Variants in PMF1 observed in about 807,000 individuals in gnomAD.
PMF1 encodes polyamine modulated factor 1, also known as polyamine-modulated factor 1.
Under a neutral mutation model 26.7 loss-of-function variants are expected in PMF1, and 21 were observed. That is an observed-to-expected ratio of 0.79 (90% CI 0.56 to 1.13). The LOEUF is 1.13. Ranked by LOEUF, PMF1 falls within the 50% of genes most tolerant of loss-of-function variation. The pLI is 0.00. For synonymous variants in PMF1, 105 were observed against 101.0 expected (o/e 1.04, Z -0.24); for missense variants, 266 against 254.9 (o/e 1.04, Z -0.30).
At chr1:156,236,778 C>T in intron 4 of PMF1, 1 of 427,604 alleles carries the variant, frequency 2.3e-6, no homozygotes, top group Non-Finnish European at 4.2e-6. Context: ...AACAGCGCCT[C>T]CACATCAGAT....
rs531045665 is a variant in PMF1 at position 156,216,468 on chromosome 1, C to T, written c.161+3292C>T. On this transcript the variant is annotated intron_variant, in intron 1 of 4. Transcript: ENST00000368277. Reference sequence around the variant, plus strand: ...GACACGCTGTCCTCTGGCGACCTGTCGCTGGAGAGGTTGGGACTCTGGATG... The same window carrying T: ...GACACGCTGTCCTCTGGCGACCTGTTGCTGGAGAGGTTGGGACTCTGGATG... Among the ~76,000 whole-genome samples, 284 of 152,274 alleles carry T rather than the reference C, an allele frequency of 1.9e-3. 1 individual carries two copies. Among genetic ancestry groups the T allele is most frequent in the African/African-American group, 6.5e-3 (269 of 41,566 alleles).
At chr1:156,235,523 G>A (rs1170532963) in intron 3 of PMF1, among the ~76,000 whole-genome samples, 11 of 132,438 alleles carry the variant, frequency 8.3e-5, no homozygotes, top group Non-Finnish European at 4.6e-5. Context: ...CTCACTGCAA[G>A]CTCCGCCTCC....
chr1:156,226,481 CT>C (rs1367957870), intron 1 of PMF1, among the ~76,000 whole-genome samples: 1 of 152,260 alleles, frequency 6.6e-6, no homozygotes, highest in African/African-American at 2.4e-5. Flanking sequence ...GCCTCATTCA[CT>C]AGCACCTGCC....
Position 156,230,971 on chromosome 1 carries a change from T to C in PMF1, c.162-1349T>C, listed in dbSNP as rs954643602. Among the ~76,000 whole-genome samples, 3 of 151,932 alleles carry C rather than the reference T, an allele frequency of 2.0e-5. No homozygotes were observed. The East Asian group carries it at 5.8e-4, about 29-fold the overall frequency. On this transcript the variant is annotated intron_variant, in intron 1 of 4. Coordinates refer to ENST00000368277, the MANE Select transcript of PMF1 (RefSeq NM_007221.4). Reference sequence around the variant, plus strand: ...TGGCTCATGCCTGTAATGCCAGCACTTTGGGAGGCCGAGATGGGCGGATCA... The same window carrying C: ...TGGCTCATGCCTGTAATGCCAGCACCTTGGGAGGCCGAGATGGGCGGATCA...
At chr1:156,217,465 C>T (rs1478772535) in intron 1 of PMF1, among the ~76,000 whole-genome samples, 1 of 152,122 alleles carries the variant, frequency 6.6e-6, no homozygotes, top group African/African-American at 2.4e-5. Context: ...GTGGCTTACG[C>T]TTGTAATCCC....
chr1:156,236,259 C>T lies in PMF1; in HGVS notation c.369-29C>T, dbSNP rs1467418796. The T allele has an allele frequency of 7.6e-6, 12 of 1,587,982 alleles. No individual in the cohort carries two copies. The South Asian group carries it at 1.1e-4, about 15-fold the overall frequency. Reference sequence around the variant, plus strand: ...TTCCACAAGGGCCTTCCGCCTCCTTCATTCCTTGTGCCCCGTGTGGCCCTC... The same window carrying T: ...TTCCACAAGGGCCTTCCGCCTCCTTTATTCCTTGTGCCCCGTGTGGCCCTC... On this transcript the variant is annotated intron_variant, in intron 3 of 4. Transcript: ENST00000368277.
chr1:156,238,558 C>T (rs1480585503), intron 4 of PMF1, among the ~76,000 whole-genome samples: 1 of 152,214 alleles, frequency 6.6e-6, no homozygotes, highest in Non-Finnish European at 1.5e-5. Context: ...GTCGAACTCT[C>T]TCCATCCTTC....
intron 1 of PMF1, chr1:156,223,967 A>T (rs543708973): frequency 1.4e-4 from 22 of 152,222 alleles, no homozygotes; most frequent in African/African-American, 5.3e-4. Flanking sequence ...AATGAATACA[A>T]TTATCCTGCT....
At chr1:156,213,358 C>T (rs949666139) in intron 1 of PMF1, among the ~76,000 whole-genome samples, 182 bp downstream of exon 1, 1 of 152,230 alleles carries the variant, frequency 6.6e-6, no homozygotes, top group Non-Finnish European at 1.5e-5. Context: ...CACTGATAAC[C>T]TGTAGCGGAC....
chr1:156,239,395 A>C (rs1487718249), intron 4 of PMF1, among the ~76,000 whole-genome samples, 153 bp from the exon 5 acceptor site: 1 of 152,126 alleles, frequency 6.6e-6, no homozygotes, highest in Non-Finnish European at 1.5e-5. Context: ...ATGTGCCTTC[A>C]TCCTAACATG....
chr1:156,236,909 G>A, intron 4 of PMF1: 1 of 180,442 alleles, frequency 5.5e-6, no homozygotes, highest in African/African-American at 2.3e-5. Context: ...CAGAGGATGA[G>A]ACAGTATTTT....
chr1:156,232,480 G>A (rs1658770378), intron 2 of PMF1, 55 bp downstream of exon 2: 2 of 1,568,132 alleles, frequency 1.3e-6, no homozygotes, highest in Non-Finnish European at 1.8e-6. Context: ...TCTCCAGATT[G>A]TCAGTCCCCT....
At chr1:156,235,072 GCT>G (rs1558196892) in intron 3 of PMF1, among the ~76,000 whole-genome samples, 3 of 152,046 alleles carry the variant, frequency 2.0e-5, no homozygotes, top group Non-Finnish European at 4.4e-5. Flanking sequence ...TTTTAAAAAT[GCT>G]CTGTGACCTT....
intron 4 of PMF1, among the ~76,000 whole-genome samples, chr1:156,237,498 G>A (rs1659094810): frequency 2.0e-5 from 3 of 146,546 alleles, no homozygotes; most frequent in South Asian, 2.2e-4. Flanking sequence ...CCAGGCTGGA[G>A]TGCAGTGGCA....
Position 156,213,444 on chromosome 1 carries a change from A to T in PMF1, c.161+268A>T, listed in dbSNP as rs1657499935. ...TTCAGGTGGTTGGGAGGAAAGATAGAGCCTTTGCAAATTAGAGCAGGGTTT... is the reference window on the plus strand; with the variant it reads ...TTCAGGTGGTTGGGAGGAAAGATAGTGCCTTTGCAAATTAGAGCAGGGTTT... On this transcript the variant is annotated intron_variant, in intron 1 of 4. Coordinates refer to ENST00000368277, the MANE Select transcript of PMF1 (RefSeq NM_007221.4). Among the ~76,000 whole-genome samples the T allele has an allele frequency of 2.0e-5, 3 of 152,332 alleles. No homozygotes were observed. In the South Asian group the frequency reaches 6.2e-4, roughly 32 times the overall value.
Position 156,213,169 on chromosome 1 carries a change from G to T in PMF1, c.154G>T (p.Ala52Ser). The change falls in exon 1 of 5, where the codon GCC becomes TCC. Residue 52 changes from alanine (A) to serine (S), a missense_variant. Coordinates refer to ENST00000368277, the MANE Select transcript of PMF1 (RefSeq NM_007221.4). ...CACTTTTCTTCAGAAGCTGGTCGCC[G>T]CCGGCAGGTAAAGTGGACGCAGCCG... is the stretch of plus-strand genomic sequence containing the variant. ...VDTFLQKLVAAGSYQRFTDCY... is the reference protein window; with the variant it reads ...VDTFLQKLVASGSYQRFTDCY... 1 of 1,612,676 alleles carries T rather than the reference G, an allele frequency of 6.2e-7. No individual in the cohort carries two copies. Among genetic ancestry groups the T allele is most frequent in the Non-Finnish European group, 8.5e-7 (1 of 1,178,832 alleles).
chr1:156,221,716 T>C (rs1354243287), intron 1 of PMF1, among the ~76,000 whole-genome samples: 2 of 152,216 alleles, frequency 1.3e-5, no homozygotes, highest in Non-Finnish European at 2.9e-5. Context: ...CACAGAATCA[T>C]CAGCTCAGCA....
intron 1 of PMF1, among the ~76,000 whole-genome samples, chr1:156,217,246 G>A (rs7544954): frequency 0.015 from 2,018 of 138,090 alleles, 59 homozygotes; most frequent in African/African-American, 0.049. Flanking sequence ...AAAAAAAAAA[G>A]AAAAAAAAAA....
At position 156,236,303 on chromosome 1, in the gene PMF1, C is replaced by T. The variant is rs1424770222; in HGVS notation, c.384C>T (p.Ile128=). ...GGCCCTCCAGGCGCCCCAGCGGGATCCCAGAGAAGGATCTGCACAGTGTTA... is the reference window on the plus strand; with the variant it reads ...GGCCCTCCAGGCGCCCCAGCGGGATTCCAGAGAAGGATCTGCACAGTGTTA... ...RKEPAWRPSG[I]PEKDLHSVMA... The change falls in exon 4 of 5, where the codon ATC becomes ATT. Residue 128 remains isoleucine (I), a synonymous_variant. Transcript: ENST00000368277. The T allele has an allele frequency of 1.2e-6, 2 of 1,609,244 alleles. No individual in the cohort carries two copies. The highest frequency in any genetic ancestry group is 8.5e-7 in the Non-Finnish European group (1 of 1,175,910).
Sources: allele counts gnomAD v4.1 joint callset (sites outside exome capture counted in the v4.1 genomes callset), GRCh38; gene constraint gnomAD v4.1.1; transcripts MANE v1.5; gene names NCBI Gene and HGNC (gene_info 2026-07-23, HGNC 2026-07-21).